The following RAB7B variants were observed in gnomAD, a reference collection of about 807,000 sequenced individuals.
The protein encoded by RAB7B is ras-related protein Rab-7b.
At chr1:205,987,628 G>A (rs1186612234) in intron 4 of RAB7B, among the ~76,000 whole-genome samples, 3 of 152,100 alleles carry the variant, frequency 2.0e-5, no homozygotes, top group African/African-American at 7.2e-5. Context: ...TTAAGTCTAC[G>A]GAATCACTGG....
At position 205,992,646 on chromosome 1, in the gene RAB7B, A is replaced by G. The variant is rs1435623946; in HGVS notation, c.230T>C (p.Phe77Ser). 1.0e-5 allele frequency: 4 copies of G among 398,644 alleles called. No individual in the cohort carries two copies. The highest frequency in any genetic ancestry group is 1.8e-5 in the Non-Finnish European group (4 of 226,168). 24.7% of individuals were successfully genotyped at this position (398,644 alleles called of 1,614,324 possible). ...QERFRSMVST[F>S]YKGSDGCILA... ...GATGCAGCCATCGGAGCCCTTGTAG[A>G]ACGTGGACACCATGGAGCGGAACCG... is the stretch of plus-strand genomic sequence containing the variant. Residue 77 changes from phenylalanine (F) to serine (S), a missense_variant, in exon 4 of 6, where the codon TTC becomes TCC. Coordinates refer to ENST00000617070, the MANE Select transcript of RAB7B (RefSeq NM_001164522.3).
At chr1:205,990,371 T>C (rs922629809) in intron 4 of RAB7B, among the ~76,000 whole-genome samples, 12,174 of 152,176 alleles carry the variant, frequency 0.08, 618 homozygotes, top group African/African-American at 0.15. Flanking sequence ...CCCCTGGAGT[T>C]TGGTGGACAT....
chr1:206,001,921 A>G (rs1165861745), intron 1 of RAB7B, among the ~76,000 whole-genome samples: 1 of 152,116 alleles, frequency 6.6e-6, no homozygotes, highest in Non-Finnish European at 1.5e-5. Context: ...ACCTGAAACC[A>G]GGTACAATCT....
At chr1:205,983,162 G>A (rs936294505) in intron 5 of RAB7B, among the ~76,000 whole-genome samples, 50 of 152,232 alleles carry the variant, frequency 3.3e-4, no homozygotes, top group African/African-American at 1.1e-3. Flanking sequence ...CTATGTCCCC[G>A]TGCTCTGACA....
chr1:205,992,758 A>G lies in RAB7B; in HGVS notation c.181-63T>C, dbSNP rs904410597. 308 of 398,506 alleles carry G rather than the reference A, an allele frequency of 7.7e-4. 2 individuals carry two copies. The highest frequency in any genetic ancestry group is 5.6e-3 in the African/African-American group (273 of 48,758). 24.7% of individuals were successfully genotyped at this position (398,506 alleles called of 1,614,324 possible). A position where few individuals can be genotyped will look rare whatever the true frequency, so the allele number is the denominator to read the frequency against. On this transcript the variant is annotated intron_variant, in intron 3 of 5. Coordinates refer to ENST00000617070, the MANE Select transcript of RAB7B (RefSeq NM_001164522.3). The stretch of plus-strand genomic sequence containing the variant: ...AATGGCTGGAAGGAGGCCCAGCTGG[A>G]TTACATCATGTCAAGGCTTCTTTTG...
chr1:206,003,078 A>G (rs1660914206), intron 1 of RAB7B, among the ~76,000 whole-genome samples, 175 bp downstream of exon 1: 1 of 152,086 alleles, frequency 6.6e-6, no homozygotes, highest in Non-Finnish European at 1.5e-5. Flanking sequence ...TTGCTGCCAC[A>G]CCCTGGGAGC....
At chr1:206,001,373 C>G (rs1448155800) in intron 1 of RAB7B, among the ~76,000 whole-genome samples, 3 of 151,342 alleles carry the variant, frequency 2.0e-5, no homozygotes, top group Admixed American at 6.6e-5. Flanking sequence ...TTATCTATTT[C>G]TTTTTGAGAT....
chr1:205,994,066 A>C lies in RAB7B; in HGVS notation c.53+17T>G. 1 of 398,646 alleles carries C rather than the reference A, an allele frequency of 2.5e-6. No homozygotes were observed. Among genetic ancestry groups the C allele is most frequent in the Admixed American group, 4.4e-5 (1 of 22,736 alleles). 24.7% of individuals were successfully genotyped at this position (398,646 alleles called of 1,614,324 possible). On this transcript the variant is annotated intron_variant, in intron 2 of 5. Transcript: ENST00000617070. ...TGAGGGGCTGCTTCCCAACTCCCAG[A>C]GCTGAGCTTGGCTTACCCAATGGCT...
chr1:206,002,318 T>C (rs1159529877), intron 1 of RAB7B, among the ~76,000 whole-genome samples: 3 of 152,176 alleles, frequency 2.0e-5, no homozygotes, highest in East Asian at 1.9e-4. Context: ...TCTTGTTCTT[T>C]AGGTTATTTG....
At chr1:205,985,145 C>T (rs1558143016) in intron 5 of RAB7B, among the ~76,000 whole-genome samples, 2 of 152,194 alleles carry the variant, frequency 1.3e-5, no homozygotes, top group Admixed American at 6.5e-5. Flanking sequence ...GTCAGCAACT[C>T]GTACAGGTTT....
chr1:205,985,808 GGCCCACCAGGCCCACCAT>G, intron 4 of RAB7B, 143 bp from the exon 5 acceptor site: 1 of 135,576 alleles, frequency 7.4e-6, no homozygotes, highest in Non-Finnish European at 1.4e-5. Flanking sequence ...ATCCCCACCA[GGCCCACCAGGCCCACCAT>G]CCCCACCAGG....
chr1:205,998,933 A>G (rs1487544511), intron 1 of RAB7B, among the ~76,000 whole-genome samples: 2 of 152,194 alleles, frequency 1.3e-5, no homozygotes, highest in African/African-American at 2.4e-5. Flanking sequence ...TATCTGTTTT[A>G]CCATTGAAGA....
chr1:205,992,186 C>A (rs890343897), intron 4 of RAB7B, among the ~76,000 whole-genome samples: 6 of 152,192 alleles, frequency 3.9e-5, no homozygotes, highest in African/African-American at 9.7e-5. Context: ...AGCCCAGAAC[C>A]CAGCTCTTCC....
rs1660905424 is a variant in RAB7B, at chr1:206,002,385, C to T, written c.-17+868G>A. The stretch of plus-strand genomic sequence containing the variant: ...GCCTGAAGGGCAGGGCTGTGCCTCA[C>T]ACCTCTCTGTATCCCACTAAAGAGC... On this transcript the variant is annotated intron_variant, in intron 1 of 5. Transcript: ENST00000617070. Among the ~76,000 whole-genome samples the T allele has an allele frequency of 5.9e-5, 9 of 152,334 alleles. No individual in the cohort carries two copies. In the South Asian group the frequency reaches 1.9e-3, roughly 32 times the overall value.
At chr1:205,996,882 A>G (rs897176557) in intron 1 of RAB7B, among the ~76,000 whole-genome samples, 2 of 152,202 alleles carry the variant, frequency 1.3e-5, no homozygotes, top group Non-Finnish European at 2.9e-5. Flanking sequence ...AGATCTTCTG[A>G]GAACTCACTC....
chr1:205,989,758 T>C (rs1437821886), intron 4 of RAB7B, among the ~76,000 whole-genome samples: 1 of 152,096 alleles, frequency 6.6e-6, no homozygotes, highest in Non-Finnish European at 1.5e-5. Context: ...TCATCTTCTC[T>C]TGGTTGGAAA....
Position 205,990,791 on chromosome 1 carries a change from C to CTT in RAB7B, c.396+1687_396+1688dup, listed in dbSNP as rs1188419083. ...TGCAAGACTGTCTTTTTCTTTCTTTCTTTTTTTTTTTTTTGAGATGAAGTC... is the reference window on the plus strand; with the variant it reads ...TGCAAGACTGTCTTTTTCTTTCTTTCTTTTTTTTTTTTTTTTGAGATGAAGTC... On this transcript the variant is annotated intron_variant, in intron 4 of 5. Coordinates refer to ENST00000617070, the MANE Select transcript of RAB7B (RefSeq NM_001164522.3). Among the ~76,000 whole-genome samples, 422 of 138,546 alleles carry CTT rather than the reference C, an allele frequency of 3.0e-3. 32 individuals carry two copies. Among genetic ancestry groups the CTT allele is most frequent in the Middle Eastern group, 7.3e-3 (2 of 274 alleles). The allele number at this position is 138,546 out of a possible 152,430, so 90.9% of individuals were successfully genotyped here.
chr1:206,003,295 TG>T lies in RAB7B; in HGVS notation c.-60del, dbSNP rs1660918388. 6.6e-6 allele frequency: 1 copy of T among 152,280 alleles called. No individual in the cohort carries two copies. The highest frequency in any genetic ancestry group is 2.1e-4 in the South Asian group (1 of 4,830). The allele number at this position is 152,280 out of a possible 1,614,324, so 9.4% of individuals were successfully genotyped here. ...ACTCGGCCTCCGCTCTGAGGGCAGC[TG>T]GGAGTCCTCTCTCAGTCTGGTGGTC... On this transcript the variant is annotated 5_prime_UTR_variant, in exon 1 of 6. Transcript: ENST00000617070.
In RAB7B at chr1:205,994,137, GA is replaced by G. The variant is rs1660771641; in HGVS notation, c.-3del. The G allele has an allele frequency of 2.5e-6, 1 of 398,546 alleles. No homozygotes were observed. The highest frequency in any genetic ancestry group is 2.1e-5 in the African/African-American group (1 of 48,632). The allele number at this position is 398,546 out of a possible 1,614,324, so 24.7% of individuals were successfully genotyped here. A position where few individuals can be genotyped will look rare whatever the true frequency, so the allele number is the denominator to read the frequency against. ...GTCCACCTTCTTCCGGGGATTCATG[GA>G]AGGGCTTCAGAGCCTGTAAGGAAAC... On this transcript the variant is annotated 5_prime_UTR_variant, in exon 2 of 6. Transcript: ENST00000617070.
Sources: gnomAD v4.1 joint callset for allele counts (sites outside exome capture counted in the v4.1 genomes callset) on GRCh38, gnomAD v4.1.1 for gene constraint, MANE v1.5 for transcripts, NCBI Gene and HGNC (gene_info 2026-07-23, HGNC 2026-07-21) for gene names.